Variants in GALNT10 observed in about 807,000 individuals in gnomAD.
GALNT10 encodes the protein polypeptide N-acetylgalactosaminyltransferase 10.
GALNT10 carries 41 observed loss-of-function variants against 75.0 expected under a neutral mutation model. The ratio of observed to expected loss-of-function variants is 0.55; its 90% CI spans 0.43 to 0.71. GALNT10 has a LOEUF of 0.71. GALNT10 is among the 30% of genes least tolerant of loss of function. GALNT10 has a pLI of 0.00. For synonymous variants in GALNT10, 302 were observed against 313.0 expected (o/e 0.96, Z 0.37); for missense variants, 727 against 818.5 (o/e 0.89, Z 1.36).
At chr5:154,276,056 A>G (rs1307067127) in intron 1 of GALNT10, among the ~76,000 whole-genome samples, 1 of 152,202 alleles carries the variant, frequency 6.6e-6, no homozygotes, top group African/African-American at 2.4e-5. Flanking sequence ...AAGTCGCTAC[A>G]TATTTAGTGG....
At chr5:154,205,587 C>G (rs568597653) in intron 1 of GALNT10, among the ~76,000 whole-genome samples, 12 of 152,294 alleles carry the variant, frequency 7.9e-5, no homozygotes, top group African/African-American at 2.9e-4. Context: ...AGTCCTTACT[C>G]ACGGCACCTC....
At chr5:154,257,608 G>A (rs896902756) in intron 1 of GALNT10, among the ~76,000 whole-genome samples, 1 of 151,548 alleles carries the variant, frequency 6.6e-6, no homozygotes, top group Non-Finnish European at 1.5e-5. Flanking sequence ...GGGAGTCAGA[G>A]GTTGCAGTGA....
At chr5:154,393,934 A>G (rs895361893) in intron 7 of GALNT10, among the ~76,000 whole-genome samples, 5 of 152,144 alleles carry the variant, frequency 3.3e-5, no homozygotes, top group African/African-American at 1.2e-4. Context: ...TGTTGGGGCC[A>G]TTTGCAAGCT....
In GALNT10 at chr5:154,416,770, C is replaced by T; in HGVS notation, c.1654-44C>T. Reference sequence around the variant, plus strand: ...ATTGTTGCTGTGGTTTGACTGGCCACATGTCTCCAGTGCTGTCTGGCTTAT... The same window carrying T: ...ATTGTTGCTGTGGTTTGACTGGCCATATGTCTCCAGTGCTGTCTGGCTTAT... On this transcript the variant is annotated intron_variant, in intron 11 of 11. Coordinates refer to ENST00000297107, the MANE Select transcript of GALNT10 (RefSeq NM_198321.4). The surrounding 1 kb of genome is among the most constrained non-coding windows in gnomAD (Gnocchi z 4.5). 1 of 1,464,456 alleles carries T rather than the reference C, an allele frequency of 6.8e-7. No individual in the cohort carries two copies. The highest frequency in any genetic ancestry group is 9.6e-7 in the Non-Finnish European group (1 of 1,045,822). The allele number at this position is 1,464,456 out of a possible 1,614,324, so 90.7% of individuals were successfully genotyped here.
At chr5:154,346,067 T>G (rs965743901) in intron 4 of GALNT10, among the ~76,000 whole-genome samples, 1 of 151,058 alleles carries the variant, frequency 6.6e-6, no homozygotes, top group Non-Finnish European at 1.5e-5. Context: ...CCAAAGTGCC[T>G]GGGATTACAG....
At chr5:154,203,871 CA>C (rs1775064803) in intron 1 of GALNT10, among the ~76,000 whole-genome samples, 1 of 152,110 alleles carries the variant, frequency 6.6e-6, no homozygotes, top group South Asian at 2.1e-4. Flanking sequence ...TCTTTTAGTC[CA>C]GAGAATATTC....
intron 1 of GALNT10, among the ~76,000 whole-genome samples, chr5:154,203,499 C>T (rs1313278439): frequency 6.6e-6 from 1 of 152,200 alleles, no homozygotes; most frequent in Non-Finnish European, 1.5e-5. Context: ...GGTAGTCTGC[C>T]ATGGCTCAGG....
At chr5:154,397,558 T>C (rs545072134) in intron 7 of GALNT10, among the ~76,000 whole-genome samples, 25 of 152,330 alleles carry the variant, frequency 1.6e-4, no homozygotes, top group African/African-American at 6.0e-4. Context: ...ACAGCCTGTG[T>C]GGGACCTCAA....
intron 6 of GALNT10, among the ~76,000 whole-genome samples, chr5:154,384,907 G>T (rs1755787738): frequency 6.6e-6 from 1 of 152,208 alleles, no homozygotes; most frequent in African/African-American, 2.4e-5. Context: ...TGAGGTCGAG[G>T]TGAAGAGTAA....
chr5:154,407,671 A>T (rs1232991889), intron 8 of GALNT10, among the ~76,000 whole-genome samples: 3 of 152,222 alleles, frequency 2.0e-5, no homozygotes, highest in African/African-American at 7.2e-5. Flanking sequence ...CAGAGGAAAT[A>T]TTGTGTTTCA....
intron 1 of GALNT10, among the ~76,000 whole-genome samples, chr5:154,225,483 T>A (rs1376989914): frequency 6.6e-6 from 1 of 151,878 alleles, no homozygotes; most frequent in Non-Finnish European, 1.5e-5. Flanking sequence ...CTTGACCTCC[T>A]GGGCTCAAGT....
chr5:154,272,800 G>T (rs891055008), intron 1 of GALNT10, among the ~76,000 whole-genome samples: 5 of 152,154 alleles, frequency 3.3e-5, no homozygotes, highest in African/African-American at 1.2e-4. Context: ...AGCATTTCAG[G>T]TCTTCTCTAT....
chr5:154,318,220 G>C (rs2113103791), intron 3 of GALNT10, among the ~76,000 whole-genome samples: 1 of 152,320 alleles, frequency 6.6e-6, no homozygotes, highest in Middle Eastern at 3.4e-3. Context: ...AGAAAGAGAA[G>C]AAATGCAGAC....
intron 1 of GALNT10, among the ~76,000 whole-genome samples, chr5:154,197,250 A>T (rs1774959476): frequency 6.6e-6 from 1 of 152,044 alleles, no homozygotes; most frequent in African/African-American, 2.4e-5. Context: ...CCCCTCACAG[A>T]CGTCCCGAGA....
rs1755806886 is a variant in GALNT10, at chr5:154,386,388, C to G, written c.1014C>G (p.Gly338=). The change falls in exon 7 of 12, where the codon GGC becomes GGG. Residue 338 remains glycine, a synonymous_variant. Coordinates refer to ENST00000297107, the MANE Select transcript of GALNT10 (RefSeq NM_198321.4). The stretch of plus-strand genomic sequence containing the variant: ...GGGAACTCGGCGGGTATGACCCAGG[C>G]TTGGAGATCTGGGGAGGGGAGCAGT... The part of the protein sequence containing the change: ...WFWELGGYDP[G]LEIWGGEQYE... The G allele has an allele frequency of 1.2e-6, 2 of 1,613,784 alleles. No individual in the cohort carries two copies. Among genetic ancestry groups the G allele is most frequent in the East Asian group, 4.5e-5 (2 of 44,876 alleles).
rs375141711 is a variant in GALNT10, at chr5:154,223,290, G to C, written c.159+32265G>C. 2.0e-5 allele frequency among the ~76,000 whole-genome samples: 3 copies of C among 152,174 alleles called. No individual in the cohort carries two copies. In the East Asian group the frequency reaches 5.8e-4, roughly 29 times the overall value. ...ATCCTCAGAACAACCCTCTGAGGTA[G>C]ATTGTCTTAATTTGGCAGATGTGGA... On this transcript the variant is annotated intron_variant, in intron 1 of 11. Transcript: ENST00000297107.
rs372538471 is a variant in GALNT10, at chr5:154,383,918, G to A, written c.939-2395G>A. ...GAGACTGGGTAATTTATAAAGAAAA[G>A]AAGTTCAACTGACTCACAGTTCCAC... On this transcript the variant is annotated intron_variant, in intron 6 of 11. Transcript: ENST00000297107. Among the ~76,000 whole-genome samples, 38 of 152,320 alleles carry A rather than the reference G, an allele frequency of 2.5e-4. No homozygotes were observed. In the South Asian group the frequency reaches 7.7e-3, roughly 31 times the overall value.
intron 7 of GALNT10, among the ~76,000 whole-genome samples, chr5:154,400,688 G>A (rs1260854792): frequency 6.6e-6 from 1 of 152,214 alleles, no homozygotes; most frequent in African/African-American, 2.4e-5. Flanking sequence ...GATGCTGTGT[G>A]TAGGTATAAA....
At chr5:154,396,601 GA>G (rs1315731899) in intron 7 of GALNT10, among the ~76,000 whole-genome samples, 1 of 152,326 alleles carries the variant, frequency 6.6e-6, no homozygotes, top group East Asian at 1.9e-4. Context: ...CAACCCTGGG[GA>G]AAGTGTTAAT....
Sources: allele counts gnomAD v4.1 joint callset (sites outside exome capture counted in the v4.1 genomes callset), GRCh38; gene constraint gnomAD v4.1.1; non-coding constraint Gnocchi (gnomAD v3.1); transcripts MANE v1.5; gene names NCBI Gene and HGNC (gene_info 2026-07-23, HGNC 2026-07-21).